SGCD: variants seen among roughly 807,000 people sequenced by gnomAD.
SGCD encodes the protein delta-sarcoglycan.
A neutral mutation model predicts 36.6 loss-of-function variants in SGCD; 18 were observed. That is an observed-to-expected ratio of 0.49 (90% confidence interval 0.34 to 0.73). The LOEUF (loss-of-function observed/expected upper bound fraction) is 0.73. SGCD is among the 30% of genes least tolerant of loss of function. The pLI is 0.01. For synonymous variants in SGCD, 133 were observed against 130.6 expected (o/e 1.02, Z -0.12); for missense variants, 387 against 346.7 (o/e 1.12, Z -0.92).
chr5:156,671,380 C>A (rs959350690), intron 7 of SGCD, among the ~76,000 whole-genome samples: 1 of 149,622 alleles, frequency 6.7e-6, no homozygotes, highest in Non-Finnish European at 1.5e-5. Context: ...TCAAGTGATT[C>A]TCCCGCCTCA....
intron 1 of SGCD, among the ~76,000 whole-genome samples, chr5:156,102,848 CACAT>C (rs1761552733): frequency 6.6e-6 from 1 of 152,156 alleles, no homozygotes; most frequent in Admixed American, 6.6e-5. Flanking sequence ...TGTGTGTACA[CACAT>C]ACATACACAC....
At chr5:156,729,609 GT>G (rs1172858273) in intron 7 of SGCD, among the ~76,000 whole-genome samples, 8 of 152,144 alleles carry the variant, frequency 5.3e-5, no homozygotes, top group Non-Finnish European at 8.8e-5. Context: ...TTTTCTATCA[GT>G]GTCTTACTGC....
At chr5:156,256,081 A>G (rs929409450) in intron 3 of SGCD, among the ~76,000 whole-genome samples, 1 of 152,212 alleles carries the variant, frequency 6.6e-6, no homozygotes, top group Non-Finnish European at 1.5e-5. Flanking sequence ...TTCATTCAAA[A>G]AGCATTTATT....
At chr5:156,734,405 C>A (rs1756241645) in intron 7 of SGCD, among the ~76,000 whole-genome samples, 1 of 151,986 alleles carries the variant, frequency 6.6e-6, no homozygotes, top group Non-Finnish European at 1.5e-5. Flanking sequence ...CTCTGCATTT[C>A]CTGAATTTGA....
At chr5:155,792,211 A>G in the SGCD span, among the ~76,000 whole-genome samples, 2 of 152,110 alleles carry the variant, frequency 1.3e-5, no homozygotes, top group Non-Finnish European at 2.9e-5. Context: ...ATGCAGAAGA[A>G]TGAAACTAGA....
At chr5:155,979,299 G>T (rs1158158263) in intron 1 of SGCD, among the ~76,000 whole-genome samples, 1 of 152,180 alleles carries the variant, frequency 6.6e-6, no homozygotes, top group Non-Finnish European at 1.5e-5. Context: ...CTGTATCAGA[G>T]ATATAAGGTG....
At chr5:156,709,363 T>C (rs568696435) in intron 7 of SGCD, among the ~76,000 whole-genome samples, 1 of 152,284 alleles carries the variant, frequency 6.6e-6, no homozygotes, top group Non-Finnish European at 1.5e-5. Flanking sequence ...TTGCTCCCAC[T>C]CCCTTCCTTG....
At position 156,059,574 on chromosome 5, in the gene SGCD, T is replaced by C. The variant is rs1309857706; in HGVS notation, c.-281-58304T>C. ...ATGACCAGTGCAAGGTAAGATAGTG[T>C]GGTGTTTTTAAGGCCCGCTGGCTTT... On this transcript the variant is annotated intron_variant, in intron 1 of 9. Coordinates refer to the SGCD transcript ENST00000517913. Among the ~76,000 whole-genome samples the C allele has an allele frequency of 2.7e-5, 4 of 146,130 alleles. 1 individual carries two copies. Among genetic ancestry groups the C allele is most frequent in the African/African-American group, 9.9e-5 (4 of 40,426 alleles).
chr5:155,800,942 C>A, the SGCD span, among the ~76,000 whole-genome samples: 1 of 152,126 alleles, frequency 6.6e-6, no homozygotes, highest in African/African-American at 2.4e-5. Context: ...TCATGCTTGT[C>A]TTTAATTCTT....
At chr5:155,812,956 AT>A in the SGCD span, among the ~76,000 whole-genome samples, 3 of 152,156 alleles carry the variant, frequency 2.0e-5, no homozygotes, top group Non-Finnish European at 4.4e-5. Flanking sequence ...GACACCTGGA[AT>A]GTTTGTTTTA....
chr5:156,649,286 T>C (rs1466020833), intron 7 of SGCD, among the ~76,000 whole-genome samples: 1 of 152,156 alleles, frequency 6.6e-6, no homozygotes, highest in Non-Finnish European at 1.5e-5. Context: ...TTTCAACCAT[T>C]GTGGAAGTCA....
At chr5:155,824,596 A>G in the SGCD span, among the ~76,000 whole-genome samples, 2 of 152,162 alleles carry the variant, frequency 1.3e-5, no homozygotes, top group Non-Finnish European at 2.9e-5. Context: ...TTTATGGAGT[A>G]CCTTCACATG....
At chr5:156,745,091 C>A (rs1399664260) in intron 7 of SGCD, among the ~76,000 whole-genome samples, 3 of 152,018 alleles carry the variant, frequency 2.0e-5, no homozygotes, top group African/African-American at 7.2e-5. Flanking sequence ...GTTATGGGAA[C>A]AAAACAAATC....
intron 1 of SGCD, among the ~76,000 whole-genome samples, chr5:156,055,809 G>A (rs1459473433): frequency 6.9e-6 from 1 of 145,818 alleles, no homozygotes; most frequent in African/African-American, 2.5e-5. Context: ...AGCCAGAAAG[G>A]AGTCTAAAAA....
At chr5:155,911,481 C>A (rs1756629579) in intron 1 of SGCD, among the ~76,000 whole-genome samples, 1 of 152,014 alleles carries the variant, frequency 6.6e-6, no homozygotes, top group African/African-American at 2.4e-5. Context: ...ATTTCACACA[C>A]TCTGATTCCT....
intron 3 of SGCD, among the ~76,000 whole-genome samples, chr5:156,375,192 C>G (rs1770594757): frequency 6.6e-6 from 1 of 152,066 alleles, no homozygotes; most frequent in South Asian, 2.1e-4. Flanking sequence ...GTCTGCTTCC[C>G]CATATGTGCT....
intron 3 of SGCD, among the ~76,000 whole-genome samples, chr5:156,146,267 G>A (rs1208591632): frequency 6.6e-6 from 1 of 152,082 alleles, no homozygotes; most frequent in African/African-American, 2.4e-5. Flanking sequence ...TTATGACATT[G>A]CATTCAAAGA....
chr5:156,671,964 A>G lies in SGCD; in HGVS notation c.575+24428A>G, dbSNP rs565503829. 1.2e-4 allele frequency among the ~76,000 whole-genome samples: 18 copies of G among 152,078 alleles called. No homozygotes were observed. The East Asian group carries it at 3.3e-3, about 28-fold the overall frequency. ...TCCCATGTGAAATAATAGAGTGAGA[A>G]CTCCACTGTGAAGGCACAGTAGAGT... On this transcript the variant is annotated intron_variant, in intron 7 of 8. Transcript: ENST00000337851.
At chr5:155,889,096 T>C (rs1273543520) in intron 1 of SGCD, among the ~76,000 whole-genome samples, 1 of 152,180 alleles carries the variant, frequency 6.6e-6, no homozygotes, top group Non-Finnish European at 1.5e-5. Flanking sequence ...TATATGTATC[T>C]TCACCCCTAG....
Sources: allele counts gnomAD v4.1 joint callset (sites outside exome capture counted in the v4.1 genomes callset), GRCh38; gene constraint gnomAD v4.1.1; transcripts MANE v1.5; gene names NCBI Gene and HGNC (gene_info 2026-07-23, HGNC 2026-07-21).